CCDC148: variants seen among roughly 807,000 people sequenced by gnomAD.
CCDC148 encodes the protein coiled-coil domain-containing protein 148.
Under a neutral mutation model 85.7 loss-of-function variants are expected in CCDC148, and 89 were observed. That is an observed-to-expected ratio of 1.04 (90% CI 0.87 to 1.24). CCDC148 has a LOEUF of 1.24. Among genes scored for constraint, CCDC148 ranks in the 50% most tolerant of loss-of-function variants. The probability of loss-of-function intolerance (pLI) is 0.00; values close to 1 mark genes in which losing one functional copy is unlikely to be tolerated. For missense variants in CCDC148, 692 were observed against 671.7 expected, an observed-to-expected ratio of 1.03 and a Z score of -0.33; for synonymous variants, 230 against 213.9, an observed-to-expected ratio of 1.08 and a Z score of -0.66.
chr2:158,239,483 AC>A (rs1688257439), intron 10 of CCDC148, among the ~76,000 whole-genome samples: 1 of 152,166 alleles, frequency 6.6e-6, no homozygotes, highest in African/African-American at 2.4e-5. Context: ...TCTGTGGGTT[AC>A]CACCACAACT....
chr2:158,316,618 ATAT>A (rs1692294386), intron 7 of CCDC148, among the ~76,000 whole-genome samples: 1 of 152,200 alleles, frequency 6.6e-6, no homozygotes, highest in Non-Finnish European at 1.5e-5. Flanking sequence ...AATACTCACA[ATAT>A]TATTATTTTT....
intron 1 of CCDC148, among the ~76,000 whole-genome samples, chr2:158,387,705 T>C (rs1685148375): frequency 6.6e-6 from 1 of 151,488 alleles, no homozygotes; most frequent in Non-Finnish European, 1.5e-5. Flanking sequence ...CAAAACCCCA[T>C]GTCAGGCTGT....
At chr2:158,249,655 C>T (rs1282707106) in intron 10 of CCDC148, among the ~76,000 whole-genome samples, 1 of 152,026 alleles carries the variant, frequency 6.6e-6, no homozygotes, top group Non-Finnish European at 1.5e-5. Context: ...TTTAAAGTCA[C>T]AAAACAAATC....
At chr2:158,174,680 T>C (rs1435306034) in intron 13 of CCDC148, among the ~76,000 whole-genome samples, 2 of 152,030 alleles carry the variant, frequency 1.3e-5, no homozygotes, top group Non-Finnish European at 2.9e-5. Context: ...CTGTACAGCA[T>C]TAGTGTGCTC....
intron 9 of CCDC148, chr2:158,288,771 C>T (rs1690752410): frequency 2.5e-6 from 1 of 405,660 alleles, no homozygotes. Context: ...AGCAACACTT[C>T]ACTCTACTGG....
intron 10 of CCDC148, among the ~76,000 whole-genome samples, chr2:158,242,151 T>C (rs892426582): frequency 6.6e-6 from 1 of 152,198 alleles, no homozygotes; most frequent in African/African-American, 2.4e-5. Flanking sequence ...AGACATTCTG[T>C]TACTTGGTAA....
At chr2:158,289,863 A>C (rs920888809) in intron 9 of CCDC148, among the ~76,000 whole-genome samples, 1 of 152,250 alleles carries the variant, frequency 6.6e-6, no homozygotes, top group Non-Finnish European at 1.5e-5. Flanking sequence ...ATGGCCACAC[A>C]TAACAAAATA....
intron 1 of CCDC148, among the ~76,000 whole-genome samples, chr2:158,421,497 A>G (rs7580893): frequency 0.17 from 25,317 of 152,210 alleles, 2,268 homozygotes; most frequent in Middle Eastern, 0.21. Context: ...TACTGGGTAC[A>G]TAAAGAAATG....
chr2:158,179,572 G>T (rs1684786108), intron 11 of CCDC148, among the ~76,000 whole-genome samples: 1 of 152,028 alleles, frequency 6.6e-6, no homozygotes, highest in South Asian at 2.1e-4. Context: ...TGGCTAACCT[G>T]CCCTGAGAGG....
intron 2 of CCDC148, among the ~76,000 whole-genome samples, chr2:158,348,720 C>A (rs1185358836): frequency 2.0e-5 from 3 of 151,956 alleles, no homozygotes; most frequent in Admixed American, 6.6e-5. Flanking sequence ...ATAGAGGAAA[C>A]AAGGGCCAAA....
chr2:158,190,093 A>G (rs895736773), intron 11 of CCDC148, among the ~76,000 whole-genome samples: 4 of 151,954 alleles, frequency 2.6e-5, no homozygotes, highest in Non-Finnish European at 2.9e-5. Context: ...TAAGATATTT[A>G]ATCATTTGAG....
intron 5 of CCDC148, 150 bp downstream of exon 5, chr2:158,340,092 A>G: frequency 3.5e-6 from 2 of 578,912 alleles, no homozygotes; most frequent in Non-Finnish European, 5.6e-6. Context: ...TATTTAGTGG[A>G]TAGAATTAGC....
At chr2:158,247,605 C>A (rs1234476534) in intron 10 of CCDC148, among the ~76,000 whole-genome samples, 1 of 152,114 alleles carries the variant, frequency 6.6e-6, no homozygotes, top group Non-Finnish European at 1.5e-5. Flanking sequence ...ACCTGTAATC[C>A]CAGCACTTTG....
chr2:158,429,840 G>T (rs2105331346), intron 1 of CCDC148, among the ~76,000 whole-genome samples: 1 of 152,274 alleles, frequency 6.6e-6, no homozygotes, highest in South Asian at 2.1e-4. Flanking sequence ...AGTTGGGTGG[G>T]ACTCATGATT....
intron 1 of CCDC148, among the ~76,000 whole-genome samples, chr2:158,428,132 T>C (rs1188619283): frequency 6.6e-6 from 1 of 151,988 alleles, no homozygotes; most frequent in Non-Finnish European, 1.5e-5. Context: ...GAGAGCAGAT[T>C]TGGGTGGAGG....
intron 9 of CCDC148, among the ~76,000 whole-genome samples, chr2:158,303,487 G>A (rs549339752): frequency 6.6e-6 from 1 of 151,902 alleles, no homozygotes; most frequent in African/African-American, 2.4e-5. Flanking sequence ...TTTCCTTCCA[G>A]GTTAAAAAAA....
rs1046888626 is a variant in CCDC148 at position 158,280,257 on chromosome 2, T to A, written c.1110+29176A>T. ...AACCAGCTAACATCATAATCACAGGTTCAAATTCACACATAACAATATTAG... is the reference window on the plus strand; with the variant it reads ...AACCAGCTAACATCATAATCACAGGATCAAATTCACACATAACAATATTAG... On this transcript the variant is annotated intron_variant, in intron 9 of 13. Coordinates refer to ENST00000283233, the MANE Select transcript of CCDC148 (RefSeq NM_138803.4). 4.7e-4 allele frequency among the ~76,000 whole-genome samples: 71 copies of A among 152,152 alleles called. 1 individual carries two copies. The highest frequency in any genetic ancestry group is 1.5e-3 in the African/African-American group (64 of 41,546).
intron 11 of CCDC148, among the ~76,000 whole-genome samples, chr2:158,204,447 T>C (rs963725436): frequency 6.6e-6 from 1 of 152,170 alleles, no homozygotes; most frequent in Admixed American, 6.5e-5. Context: ...TCTGCCTTTT[T>C]TTGTTGGAAG....
At position 158,374,534 on chromosome 2, in the gene CCDC148, C is replaced by T. The variant is rs114536579; in HGVS notation, c.26-15964G>A. On this transcript the variant is annotated intron_variant, in intron 1 of 13. Coordinates refer to ENST00000283233, the MANE Select transcript of CCDC148 (RefSeq NM_138803.4). ...CTTCTCTTGTGCGTGCGCTCTCTCT[C>T]GAGAAAAAAAGCCTAAATGCCCACA... 2.1e-3 allele frequency among the ~76,000 whole-genome samples: 323 copies of T among 151,890 alleles called. 1 individual carries two copies. The highest frequency in any genetic ancestry group is 6.8e-3 in the Middle Eastern group (2 of 294).
Sources: allele counts gnomAD v4.1 joint callset (sites outside exome capture counted in the v4.1 genomes callset), GRCh38; gene constraint gnomAD v4.1.1; transcripts MANE v1.5; gene names NCBI Gene and HGNC (gene_info 2026-07-23, HGNC 2026-07-21).